Variants in SHOC1 observed in about 807,000 individuals in gnomAD.
SHOC1 encodes the protein protein shortage in chiasmata 1 ortholog.
In SHOC1, 136 loss-of-function variants were observed where a neutral mutation model predicts 179.2. The ratio of observed to expected loss-of-function variants is 0.76; its 90% CI spans 0.66 to 0.87. The LOEUF (loss-of-function observed/expected upper bound fraction) is 0.87. SHOC1 is among the 40% of genes least tolerant of loss of function. The probability of loss-of-function intolerance (pLI) is 0.00; values close to 1 mark genes in which losing one functional copy is unlikely to be tolerated. For missense variants in SHOC1, 1,538 were observed against 1,700.8 expected (o/e 0.90, Z 1.68); for synonymous variants, 489 against 586.6 (o/e 0.83, Z 2.41).
At position 111,780,967 on chromosome 9, in the gene SHOC1, A is replaced by G. The variant is rs1393805796; in HGVS notation, c.220T>C (p.Trp74Arg). 3.1e-6 allele frequency: 5 copies of G among 1,613,616 alleles called. No homozygotes were observed. The highest frequency in any genetic ancestry group is 4.2e-6 in the Non-Finnish European group (5 of 1,179,734). ...GMTDTSVLDQ[W>R]KASFFVEDFL... ...TCCTCCACAAAGAAACTTGCTTTCCATTGGTCCAAGACTGAGGTATCTGTC... is the reference window on the plus strand; with the variant it reads ...TCCTCCACAAAGAAACTTGCTTTCCGTTGGTCCAAGACTGAGGTATCTGTC... The change falls in exon 4 of 28, where the codon TGG becomes CGG. Residue 74 changes from tryptophan to arginine, a missense_variant. Coordinates refer to ENST00000682961, the MANE Select transcript of SHOC1 (RefSeq NM_001378211.1).
chr9:111,707,999 C>A, intron 18 of SHOC1, 75 bp from the exon 19 acceptor site: 3 of 740,742 alleles, frequency 4.0e-6, no homozygotes, highest in Non-Finnish European at 4.2e-6. Flanking sequence ...TATTTCACTA[C>A]CATAAAAATG....
intron 6 of SHOC1, among the ~76,000 whole-genome samples, 191 bp downstream of exon 6, chr9:111,758,504 G>A (rs1589449469): frequency 1.3e-5 from 2 of 152,316 alleles, no homozygotes; most frequent in East Asian, 3.9e-4. Flanking sequence ...CAGGAGAATC[G>A]CATGTGCCCA....
intron 8 of SHOC1, among the ~76,000 whole-genome samples, chr9:111,752,115 G>T (rs147887104): frequency 1.3e-5 from 2 of 152,246 alleles, no homozygotes; most frequent in South Asian, 2.1e-4. Context: ...GACATATTTC[G>T]TACTAGCTGG....
chr9:111,788,127 C>T (rs545467298), intron 2 of SHOC1, among the ~76,000 whole-genome samples: 19 of 131,252 alleles, frequency 1.4e-4, no homozygotes, highest in Non-Finnish European at 2.5e-4. Flanking sequence ...AGTGCAGTGG[C>T]GTGGTCTCGG....
chr9:111,782,781 T>G (rs999776307), intron 3 of SHOC1, among the ~76,000 whole-genome samples: 2 of 152,186 alleles, frequency 1.3e-5, no homozygotes, highest in African/African-American at 4.8e-5. Context: ...TTAAGACAGC[T>G]AATTCACATA....
chr9:111,745,660 G>A (rs1330186706), intron 10 of SHOC1, among the ~76,000 whole-genome samples: 1 of 152,162 alleles, frequency 6.6e-6, no homozygotes, highest in Non-Finnish European at 1.5e-5. Flanking sequence ...AACCAACCCG[G>A]CTGACACTTG....
At chr9:111,750,782 AT>A (rs1197448796) in intron 8 of SHOC1, among the ~76,000 whole-genome samples, 2 of 152,182 alleles carry the variant, frequency 1.3e-5, no homozygotes, top group East Asian at 3.9e-4. Flanking sequence ...ATTTTCTCCC[AT>A]TTTGTAGGCT....
chr9:111,739,352 C>T (rs1038088719), intron 11 of SHOC1, among the ~76,000 whole-genome samples: 11 of 151,990 alleles, frequency 7.2e-5, no homozygotes, highest in African/African-American at 2.7e-4. Context: ...TGAAAAGTCT[C>T]ATAAGTTTTG....
intron 5 of SHOC1, among the ~76,000 whole-genome samples, chr9:111,766,429 T>C (rs1224726797): frequency 2.0e-5 from 3 of 152,178 alleles, no homozygotes; most frequent in Admixed American, 6.5e-5. Flanking sequence ...CATATGGTAG[T>C]TCTATTTTTA....
chr9:111,694,129 A>G (rs935410854), intron 25 of SHOC1, 102 bp downstream of exon 25: 5 of 1,265,324 alleles, frequency 4.0e-6, no homozygotes, highest in Non-Finnish European at 5.5e-6. Context: ...CTACCACTCA[A>G]TTTGAGACAT....
chr9:111,716,124 C>G lies in SHOC1; in HGVS notation c.2237-1501G>C, dbSNP rs182857436. On this transcript the variant is annotated intron_variant, in intron 16 of 27. Coordinates refer to ENST00000682961, the MANE Select transcript of SHOC1 (RefSeq NM_001378211.1). Reference sequence around the variant, plus strand: ...AAATGTCCAAAGCAACTACATTATTCGTATGGCTGGATACCTGGAGATTAA... The same window carrying G: ...AAATGTCCAAAGCAACTACATTATTGGTATGGCTGGATACCTGGAGATTAA... 5.3e-5 allele frequency among the ~76,000 whole-genome samples: 8 copies of G among 152,214 alleles called. No individual in the cohort carries two copies. In the South Asian group the frequency reaches 1.7e-3, roughly 32 times the overall value.
chr9:111,746,473 A>C, intron 9 of SHOC1, 131 bp from the exon 10 acceptor site: 2 of 529,022 alleles, frequency 3.8e-6, no homozygotes, highest in South Asian at 4.7e-5. Context: ...CCAGGAGTTT[A>C]AGACCTGGGC....
intron 18 of SHOC1, among the ~76,000 whole-genome samples, chr9:111,709,840 CA>C (rs972616131): frequency 6.6e-6 from 1 of 152,144 alleles, no homozygotes; most frequent in African/African-American, 2.4e-5. Flanking sequence ...GCTTATTTCA[CA>C]TTGCATGCCT....
intron 19 of SHOC1, among the ~76,000 whole-genome samples, 196 bp from the exon 20 acceptor site, chr9:111,706,942 T>C (rs552356588): frequency 1.3e-5 from 2 of 152,244 alleles, no homozygotes; most frequent in East Asian, 1.9e-4. Flanking sequence ...TTAATGATCA[T>C]ACATTTTTAT....
At chr9:111,788,235 T>TTA (rs1554724879) in intron 2 of SHOC1, among the ~76,000 whole-genome samples, 15 of 143,414 alleles carry the variant, frequency 1.0e-4, no homozygotes, top group Admixed American at 9.7e-4. Flanking sequence ...AAAATGAGAA[T>TTA]AAAAAAAAAA....
At chr9:111,723,536 T>C (rs1408242356) in intron 14 of SHOC1, among the ~76,000 whole-genome samples, 2 of 152,104 alleles carry the variant, frequency 1.3e-5, no homozygotes, top group Admixed American at 6.6e-5. Context: ...TGTTCTCAGA[T>C]TGATATAGGG....
At chr9:111,743,873 C>T (rs1248097032) in intron 10 of SHOC1, among the ~76,000 whole-genome samples, 1 of 152,018 alleles carries the variant, frequency 6.6e-6, no homozygotes, top group African/African-American at 2.4e-5. Flanking sequence ...TTTACAGTTG[C>T]CAAACAAATG....
At chr9:111,781,436 T>C (rs1286548472) in intron 3 of SHOC1, among the ~76,000 whole-genome samples, 1 of 152,152 alleles carries the variant, frequency 6.6e-6, no homozygotes, top group Admixed American at 6.5e-5. Flanking sequence ...ATATTTAAAA[T>C]TGTAGGCGGC....
At chr9:111,782,917 A>T (rs1836126557) in intron 3 of SHOC1, among the ~76,000 whole-genome samples, 1 of 151,538 alleles carries the variant, frequency 6.6e-6, no homozygotes, top group Admixed American at 6.6e-5. Flanking sequence ...ACTTACTGGC[A>T]TAAGTACCTG....
Sources: gnomAD v4.1 joint callset for allele counts (sites outside exome capture counted in the v4.1 genomes callset) on GRCh38, gnomAD v4.1.1 for gene constraint, MANE v1.5 for transcripts, NCBI Gene and HGNC (gene_info 2026-07-23, HGNC 2026-07-21) for gene names.